PDZD2: variants seen among roughly 807,000 people sequenced by gnomAD.
PDZD2 encodes PDZ domain containing 2, also known as PDZ domain-containing protein 2.
PDZD2 carries 90 observed loss-of-function variants against 220.7 expected under a neutral mutation model. The ratio of observed to expected loss-of-function variants is 0.41; its 90% CI spans 0.34 to 0.49. The LOEUF is 0.49. Ranked by LOEUF, PDZD2 falls within the 20% of genes least tolerant of loss-of-function variation. The pLI, the probability that PDZD2 is intolerant of heterozygous loss-of-function variation, is 0.28. For missense variants in PDZD2, 3,174 were observed against 3,608.5 expected (o/e 0.88, Z 3.08); for synonymous variants, 1,375 against 1,450.5 (o/e 0.95, Z 1.18).
At chr5:32,058,512 T>TA (rs68030122) in intron 12 of PDZD2, among the ~76,000 whole-genome samples, 34 of 148,680 alleles carry the variant, frequency 2.3e-4, no homozygotes, top group Middle Eastern at 3.4e-3. Context: ...CTACTAAAAA[T>TA]AAAAAAAAAA....
At chr5:31,668,905 G>A (rs1252718557) in intron 1 of PDZD2, among the ~76,000 whole-genome samples, 1 of 152,186 alleles carries the variant, frequency 6.6e-6, no homozygotes, top group Non-Finnish European at 1.5e-5. Context: ...AGGCAAGGGA[G>A]TAGCATTGAC....
At chr5:32,034,613 C>T (rs553169239) in intron 6 of PDZD2, among the ~76,000 whole-genome samples, 146 of 152,096 alleles carry the variant, frequency 9.6e-4, no homozygotes, top group African/African-American at 3.4e-3. Context: ...CACCCGTCTC[C>T]GCTTCCCAAA....
chr5:31,852,968 G>A (rs2150300840), intron 2 of PDZD2, among the ~76,000 whole-genome samples: 1 of 152,306 alleles, frequency 6.6e-6, no homozygotes, highest in Middle Eastern at 3.4e-3. Context: ...AGTGGAGAAA[G>A]AAGCTAAAAC....
At chr5:31,986,098 ATTG>A (rs1390067246) in intron 3 of PDZD2, among the ~76,000 whole-genome samples, 238 of 148,208 alleles carry the variant, frequency 1.6e-3, no homozygotes, top group South Asian at 4.7e-3. Context: ...AAAAAAAAAA[ATTG>A]AACTTCTGGA....
chr5:31,760,364 A>G lies in PDZD2; in HGVS notation c.-360-38525A>G, dbSNP rs76238920. ...TAGAGGAATAATCAGAAAACAATTC[A>G]AGGCAGTATAAAATTGTGAGCATAG... On this transcript the variant is annotated intron_variant, in intron 1 of 24. Coordinates refer to ENST00000438447, the MANE Select transcript of PDZD2 (RefSeq NM_178140.4). 7.4e-3 allele frequency among the ~76,000 whole-genome samples: 1,132 copies of G among 152,322 alleles called. 15 individuals carry two copies. The highest frequency in any genetic ancestry group is 0.025 in the African/African-American group (1,058 of 41,576).
intron 2 of PDZD2, among the ~76,000 whole-genome samples, chr5:31,926,569 C>T (rs954353986): frequency 8.4e-6 from 1 of 118,722 alleles, no homozygotes; most frequent in Non-Finnish European, 1.9e-5. Flanking sequence ...TAAAAAATAA[C>T]AGACGCTGGG....
In PDZD2 at chr5:32,037,256, A is replaced by G. The variant is rs1755630445; in HGVS notation, c.1433A>G (p.Asp478Gly). The change falls in exon 7 of 25, where the codon GAT (aspartate) becomes GGT (glycine). Residue 478 changes from aspartate to glycine, a missense_variant. Around this residue, in one of 4 missense-constraint regions of PDZD2, gnomAD observed 632 missense variants for 708.1 expected, o/e 0.89. Transcript: ENST00000438447. ...ATGCCTGGGACAGATGAACCCCAAG[A>G]TGTGTGCGGTGCTGAGGAATCCAAG... Reference protein sequence around the residue: ...RAMPGTDEPQDVCGAEESKGN... With the variant: ...RAMPGTDEPQGVCGAEESKGN... 6.2e-7 allele frequency: 1 copy of G among 1,613,278 alleles called. No individual in the cohort carries two copies. Among genetic ancestry groups the G allele is most frequent in the Non-Finnish European group, 8.5e-7 (1 of 1,179,374 alleles).
At chr5:31,864,282 A>C (rs1737989244) in intron 2 of PDZD2, among the ~76,000 whole-genome samples, 2 of 152,162 alleles carry the variant, frequency 1.3e-5, no homozygotes, top group Non-Finnish European at 2.9e-5. Context: ...AGGTCCTAGC[A>C]GTTTCCCTTC....
At chr5:31,758,394 C>T (rs1208486727) in intron 1 of PDZD2, among the ~76,000 whole-genome samples, 1 of 152,162 alleles carries the variant, frequency 6.6e-6, no homozygotes, top group African/African-American at 2.4e-5. Flanking sequence ...ATGAAGGGCG[C>T]CCCAGAGCTC....
chr5:31,983,680 A>G (rs1247888843), intron 3 of PDZD2, 24 bp downstream of exon 3: 8 of 1,591,594 alleles, frequency 5.0e-6, no homozygotes, highest in African/African-American at 2.7e-5. Flanking sequence ...TGATTATGGA[A>G]CCAGAATTTT....
chr5:31,659,980 C>T (rs967242012), intron 1 of PDZD2, among the ~76,000 whole-genome samples: 5 of 152,192 alleles, frequency 3.3e-5, no homozygotes, highest in Admixed American at 2.0e-4. Flanking sequence ...TTAGCCCTAT[C>T]GAATTGAGAA....
intron 1 of PDZD2, among the ~76,000 whole-genome samples, chr5:31,700,889 T>C (rs1253599372): frequency 6.6e-6 from 1 of 152,172 alleles, no homozygotes; most frequent in Non-Finnish European, 1.5e-5. Context: ...AGGGAGTTCT[T>C]CCGAATGTCA....
chr5:32,000,681 T>C lies in PDZD2; in HGVS notation c.1254+410T>C, dbSNP rs1414506897. 6.6e-6 allele frequency among the ~76,000 whole-genome samples: 1 copy of C among 152,176 alleles called. No homozygotes were observed. The highest frequency in any genetic ancestry group is 1.5e-5 in the Non-Finnish European group (1 of 68,038). ...ACATGCCATCACACCCGGCTAATTT[T>C]GTATTTTTTATAGAGATGGGGTTTC... On this transcript the variant is annotated intron_variant, in intron 5 of 24. Transcript: ENST00000438447. This position sits in a 1 kb window ranked among gnomAD's most constrained non-coding sequence, Gnocchi z 4.5.
chr5:31,769,506 C>T (rs1752221272), intron 1 of PDZD2, among the ~76,000 whole-genome samples: 2 of 152,114 alleles, frequency 1.3e-5, no homozygotes, highest in Admixed American at 1.3e-4. Context: ...GCACAGCCTC[C>T]AAGGTAAAAA....
chr5:31,798,003 G>A (rs10472783), intron 1 of PDZD2, among the ~76,000 whole-genome samples: 28,555 of 152,088 alleles, frequency 0.19, 2,839 homozygotes, highest in African/African-American at 0.21. Context: ...TGGAGAAGGC[G>A]AGTTGGCAGT....
At chr5:31,724,132 A>G (rs1469875449) in intron 1 of PDZD2, among the ~76,000 whole-genome samples, 2 of 152,166 alleles carry the variant, frequency 1.3e-5, no homozygotes, top group Non-Finnish European at 2.9e-5. Context: ...ATGGTCAACA[A>G]TACTCCTTAA....
intron 1 of PDZD2, among the ~76,000 whole-genome samples, chr5:31,666,082 T>C (rs1307967717): frequency 6.6e-6 from 1 of 151,940 alleles, no homozygotes; most frequent in African/African-American, 2.4e-5. Context: ...GTTTTATGAG[T>C]TGTTTCTGAG....
intron 2 of PDZD2, among the ~76,000 whole-genome samples, chr5:31,935,516 G>A (rs1745648220): frequency 6.6e-6 from 1 of 152,290 alleles, no homozygotes; most frequent in East Asian, 1.9e-4. Context: ...ATGGAAGTTG[G>A]AAGCTTAGTC....
intron 2 of PDZD2, among the ~76,000 whole-genome samples, chr5:31,942,117 T>G (rs1274712185): frequency 6.6e-6 from 1 of 152,214 alleles, no homozygotes; most frequent in African/African-American, 2.4e-5. Flanking sequence ...TACTCTGTGA[T>G]TTACTATGAT....
Sources: allele counts gnomAD v4.1 joint callset (sites outside exome capture counted in the v4.1 genomes callset), GRCh38; gene constraint gnomAD v4.1.1; regional missense constraint gnomAD v4.1.1; non-coding constraint Gnocchi (gnomAD v3.1); transcripts MANE v1.5; gene names NCBI Gene and HGNC (gene_info 2026-07-23, HGNC 2026-07-21).